KHDC1: variants seen among roughly 807,000 people sequenced by gnomAD.
The protein encoded by KHDC1 is KH homology domain-containing protein 1.
A neutral mutation model predicts 24.7 loss-of-function variants in KHDC1; 21 were observed. That is an observed-to-expected ratio of 0.85 (90% CI 0.60 to 1.23). The LOEUF (loss-of-function observed/expected upper bound fraction) is 1.23. Ranked by LOEUF, KHDC1 falls within the 50% of genes most tolerant of loss-of-function variation. The pLI, the probability that KHDC1 is intolerant of heterozygous loss-of-function variation, is 0.00. For synonymous variants in KHDC1, 98 were observed against 111.7 expected (o/e 0.88, Z 0.77); for missense variants, 274 against 298.5 (o/e 0.92, Z 0.61).
Position 73,245,626 on chromosome 6 carries a change from T to C in KHDC1, c.207-3096A>G, listed in dbSNP as rs185503076. On this transcript the variant is annotated intron_variant, in intron 2 of 4. Coordinates refer to ENST00000370384, the Ensembl canonical transcript of KHDC1. ...AAGTCTTGGAGAGCGTTCTCAAATT[T>C]AGTGTTAGAATTCATTTTTTTCCTT... Among the ~76,000 whole-genome samples, 677 of 152,308 alleles carry C rather than the reference T, an allele frequency of 4.4e-3. 6 individuals carry two copies. The highest frequency in any genetic ancestry group is 6.8e-3 in the Middle Eastern group (2 of 294).
intron 2 of KHDC1, among the ~76,000 whole-genome samples, chr6:73,287,597 A>G (rs1767548185): frequency 6.6e-6 from 1 of 152,218 alleles, no homozygotes; most frequent in East Asian, 1.9e-4. Context: ...TGGCAATGCT[A>G]TGGCAGTACA....
At chr6:73,292,238 A>C in intron 1 of KHDC1, 1 of 1,402,710 alleles carries the variant, frequency 7.1e-7, no homozygotes, top group South Asian at 1.2e-5. Context: ...ACTAATTGTG[A>C]AAATGTTTGA....
rs141460513 is a variant in KHDC1, at chr6:73,250,579, A to C, written c.207-8049T>G. On this transcript the variant is annotated intron_variant, in intron 2 of 4. Transcript: ENST00000370384. Reference sequence around the variant, plus strand: ...ATGCCTGGAATGCCTGCTATTGGCAATAATACAGTGCTTTATTAGCATCCA... The same window carrying C: ...ATGCCTGGAATGCCTGCTATTGGCACTAATACAGTGCTTTATTAGCATCCA... Among the ~76,000 whole-genome samples, 202 of 152,370 alleles carry C rather than the reference A, an allele frequency of 1.3e-3. 2 individuals carry two copies. The highest frequency in any genetic ancestry group is 4.1e-3 in the Admixed American group (62 of 15,306).
In KHDC1 at chr6:73,276,856, A is replaced by G. The variant is rs543965227; in HGVS notation, c.206+15142T>C. 3.9e-5 allele frequency among the ~76,000 whole-genome samples: 6 copies of G among 152,340 alleles called. No homozygotes were observed. The East Asian group carries it at 1.2e-3, about 29-fold the overall frequency. On this transcript the variant is annotated intron_variant, in intron 2 of 4. Transcript: ENST00000370384. ...TTTTAGAGACTTGTTTAAAGATTCA[A>G]AATGAGTTATAATAAAAAATAAATG...
At chr6:73,266,798 A>G (rs1246430879) in intron 2 of KHDC1, among the ~76,000 whole-genome samples, 2 of 152,244 alleles carry the variant, frequency 1.3e-5, no homozygotes, top group Non-Finnish European at 2.9e-5. Flanking sequence ...ATCAAGGAAC[A>G]TGAAGAAGAA....
At chr6:73,243,107 T>C (rs188381783) in intron 2 of KHDC1, among the ~76,000 whole-genome samples, 41 of 152,266 alleles carry the variant, frequency 2.7e-4, no homozygotes, top group Non-Finnish European at 1.6e-4. Context: ...TGGGGCAATT[T>C]GGTGATTATC....
chr6:73,298,137 G>A (rs1767792560), intron 1 of KHDC1, among the ~76,000 whole-genome samples: 2 of 151,860 alleles, frequency 1.3e-5, no homozygotes, highest in African/African-American at 4.8e-5. Context: ...TTGCAGTGAA[G>A]GTGACAAAAC....
intron 2 of KHDC1, chr6:73,290,826 AACCT>A: frequency 6.1e-6 from 2 of 330,262 alleles, no homozygotes; most frequent in Non-Finnish European, 1.2e-5. Flanking sequence ...TTCTTATGGT[AACCT>A]ACCTACCTAC....
intron 2 of KHDC1, among the ~76,000 whole-genome samples, chr6:73,250,389 G>A (rs1343706887): frequency 6.6e-6 from 1 of 152,180 alleles, no homozygotes; most frequent in African/African-American, 2.4e-5. Context: ...TTTCTGAAGA[G>A]AGACACAAAA....
At chr6:73,288,385 C>A (rs1399838920) in intron 2 of KHDC1, among the ~76,000 whole-genome samples, 3 of 152,178 alleles carry the variant, frequency 2.0e-5, no homozygotes, top group African/African-American at 7.2e-5. Flanking sequence ...CTTTGGGAGG[C>A]CAAGGTGGGT....
chr6:73,299,925 G>C (rs1353421511), intron 1 of KHDC1: 1 of 152,314 alleles, frequency 6.6e-6, no homozygotes. Flanking sequence ...AAAGTACACA[G>C]GGGTAGTTGA....
chr6:73,246,621 C>T (rs1198853159), intron 2 of KHDC1, among the ~76,000 whole-genome samples: 2 of 152,048 alleles, frequency 1.3e-5, no homozygotes, highest in South Asian at 2.1e-4. Context: ...TCTTTGTAAT[C>T]GAGGTCTTAA....
In KHDC1 at chr6:73,255,307, C is replaced by T. The variant is rs571227705; in HGVS notation, c.207-12777G>A. On this transcript the variant is annotated intron_variant, in intron 2 of 4. Coordinates refer to ENST00000370384, the Ensembl canonical transcript of KHDC1. ...AGACCTTGGCTCACTGCAGCCTCTG[C>T]CTCCTAGGTTCAAGCAATTCTCCCA... 2.7e-5 allele frequency among the ~76,000 whole-genome samples: 4 copies of T among 148,970 alleles called. No individual in the cohort carries two copies. In the East Asian group the frequency reaches 8.1e-4, roughly 30 times the overall value.
At chr6:73,251,794 CT>C (rs1766780981) in intron 2 of KHDC1, among the ~76,000 whole-genome samples, 2 of 148,288 alleles carry the variant, frequency 1.3e-5, no homozygotes, top group Non-Finnish European at 3.0e-5. Context: ...CTTTTCTTTT[CT>C]TTTCTTTTTT....
chr6:73,278,752 A>G (rs1767349085), intron 2 of KHDC1, among the ~76,000 whole-genome samples: 1 of 152,202 alleles, frequency 6.6e-6, no homozygotes, highest in South Asian at 2.1e-4. Context: ...TTATCATGGT[A>G]TGTATGCATA....
chr6:73,291,915 T>C lies in KHDC1; in HGVS notation c.206+83A>G, dbSNP rs184876453. The C allele has an allele frequency of 5.4e-6, 8 of 1,478,656 alleles. No individual in the cohort carries two copies. The African/African-American group carries it at 5.6e-5, about 10-fold the overall frequency. The allele number at this position is 1,478,656 out of a possible 1,614,324, so 91.6% of individuals were successfully genotyped here. On this transcript the variant is annotated intron_variant, in intron 2 of 4. Coordinates refer to ENST00000370384, the Ensembl canonical transcript of KHDC1. ...CCTGCACATGCACCTCCTGAATCTA[T>C]TTTTAAAAATTTAATTCTCTAGCAC...
intron 2 of KHDC1, among the ~76,000 whole-genome samples, chr6:73,280,079 C>T (rs1305049836): frequency 6.6e-6 from 1 of 152,136 alleles, no homozygotes. Context: ...ATAGCCAGTC[C>T]TACACTTAAT....
chr6:73,247,490 G>A (rs1766688792), intron 2 of KHDC1, among the ~76,000 whole-genome samples: 1 of 152,180 alleles, frequency 6.6e-6, no homozygotes, highest in Admixed American at 6.5e-5. Flanking sequence ...ACCTGAGGCT[G>A]CTCCCTGGGT....
At chr6:73,269,841 C>A in intron 2 of KHDC1, 1 of 152,320 alleles carries the variant, frequency 6.6e-6, no homozygotes. Flanking sequence ...GATCATAGCT[C>A]ACTGCAGCCT....
Sources: allele counts gnomAD v4.1 joint callset (sites outside exome capture counted in the v4.1 genomes callset), GRCh38; gene constraint gnomAD v4.1.1; transcripts MANE v1.5; gene names NCBI Gene and HGNC (gene_info 2026-07-23, HGNC 2026-07-21).